NLRP4: variants seen among roughly 807,000 people sequenced by gnomAD.
The protein encoded by NLRP4 is NLR family pyrin domain containing 4.
NLRP4 carries 44 observed loss-of-function variants against 84.7 expected under a neutral mutation model. The observed-to-expected ratio is 0.52, with a 90% CI of 0.41 to 0.67. NLRP4 has a LOEUF of 0.67. Among genes scored for constraint, NLRP4 ranks in the 30% least tolerant of loss-of-function variants. NLRP4 has a pLI of 0.00. For synonymous variants in NLRP4, 544 were observed against 476.4 expected (o/e 1.14, Z -1.85); for missense variants, 1,260 against 1,219.4 (o/e 1.03, Z -0.50).
At chr19:55,878,453 C>G (rs1009556521) in intron 8 of NLRP4, among the ~76,000 whole-genome samples, 3 of 152,246 alleles carry the variant, frequency 2.0e-5, no homozygotes, top group African/African-American at 4.8e-5. Flanking sequence ...GCTCAGAACT[C>G]TCCTAATCTT....
intron 5 of NLRP4, among the ~76,000 whole-genome samples, chr19:55,863,921 A>G (rs565780217): frequency 1.3e-5 from 2 of 152,210 alleles, no homozygotes; most frequent in African/African-American, 4.8e-5. Context: ...ACACATTCAA[A>G]TACTTCTCTA....
intron 1 of NLRP4, among the ~76,000 whole-genome samples, chr19:55,840,154 T>C (rs1018108185): frequency 6.6e-6 from 1 of 152,232 alleles, no homozygotes; most frequent in African/African-American, 2.4e-5. Context: ...ATTTATTGAA[T>C]GAAAAGGTCT....
intron 5 of NLRP4, among the ~76,000 whole-genome samples, chr19:55,865,137 C>T (rs1398826536): frequency 6.9e-6 from 1 of 144,176 alleles, no homozygotes; most frequent in Non-Finnish European, 1.5e-5. Flanking sequence ...CACCTTCTTC[C>T]CACCCTCTGC....
At chr19:55,872,138 G>A (rs971734224) in intron 7 of NLRP4, among the ~76,000 whole-genome samples, 3 of 151,990 alleles carry the variant, frequency 2.0e-5, no homozygotes, top group Admixed American at 1.3e-4. Context: ...ATGAGCCACC[G>A]TGCCCAGCCC....
chr19:55,849,212 T>C (rs545859455), intron 1 of NLRP4, among the ~76,000 whole-genome samples: 4 of 152,196 alleles, frequency 2.6e-5, no homozygotes, highest in Non-Finnish European at 5.9e-5. Context: ...GTTTTAGCTA[T>C]TGGAGGCTCT....
chr19:55,839,479 TAAAA>T (rs56042909), intron 1 of NLRP4, among the ~76,000 whole-genome samples: 145 of 135,574 alleles, frequency 1.1e-3, no homozygotes, highest in African/African-American at 3.1e-3. Flanking sequence ...GGGGAAGAGT[TAAAA>T]AAAAAAAAAA....
rs551680150 is a variant in NLRP4 at position 55,856,505 on chromosome 19, C to T, written c.281-1169C>T. Among the ~76,000 whole-genome samples, 13 of 144,570 alleles carry T rather than the reference C, an allele frequency of 9.0e-5. No homozygotes were observed. In the South Asian group the frequency reaches 2.7e-3, roughly 30 times the overall value. 94.8% of individuals were successfully genotyped at this position (144,570 alleles called of 152,430 possible). On this transcript the variant is annotated intron_variant, in intron 2 of 9. Coordinates refer to ENST00000301295, the MANE Select transcript of NLRP4 (RefSeq NM_134444.5). ...GCGTAGGGCTTGGTCATCACTGTTG[C>T]TGGATCTTTTTTTTTTTTTTTTTTT...
chr19:55,861,252 C>G, intron 3 of NLRP4, 134 bp from the exon 4 acceptor site: 1 of 704,336 alleles, frequency 1.4e-6, no homozygotes, highest in Non-Finnish European at 2.4e-6. Context: ...CCTGAAGGGT[C>G]CCGTTCCTTC....
intron 1 of NLRP4, among the ~76,000 whole-genome samples, chr19:55,849,432 C>T (rs1983929931): frequency 6.6e-6 from 1 of 152,156 alleles, no homozygotes; most frequent in African/African-American, 2.4e-5. Context: ...GGATGGCTTA[C>T]CAACAGAAAT....
rs376627745 is a variant in NLRP4, at chr19:55,871,846, CT to C, written c.2525+865del. 8.8e-3 allele frequency among the ~76,000 whole-genome samples: 1,243 copies of C among 142,046 alleles called. 11 individuals are homozygous for C. Among genetic ancestry groups the C allele is most frequent in the African/African-American group, 0.022 (844 of 38,944 alleles). 93.2% of individuals were successfully genotyped at this position (142,046 alleles called of 152,430 possible). On this transcript the variant is annotated intron_variant, in intron 7 of 9. Coordinates refer to ENST00000301295, the MANE Select transcript of NLRP4 (RefSeq NM_134444.5). ...CATCTAGAAGCTAAACAGAAATAAT[CT>C]TTTTTTTTTTTTTTTGGAGACAGAA...
At chr19:55,851,767 A>T (rs907685319) in intron 1 of NLRP4, among the ~76,000 whole-genome samples, 1 of 151,524 alleles carries the variant, frequency 6.6e-6, no homozygotes, top group Non-Finnish European at 1.5e-5. Context: ...TGTAAAGTCT[A>T]TATTTGCCTG....
chr19:55,849,700 T>C (rs1023195455), intron 1 of NLRP4, among the ~76,000 whole-genome samples: 6 of 152,252 alleles, frequency 3.9e-5, no homozygotes, highest in African/African-American at 1.4e-4. Flanking sequence ...TCTCTATTGT[T>C]TACTGAGAAA....
At chr19:55,871,960 G>A (rs1389318301) in intron 7 of NLRP4, among the ~76,000 whole-genome samples, 5 of 150,738 alleles carry the variant, frequency 3.3e-5, no homozygotes, top group East Asian at 2.0e-4. Flanking sequence ...CGCCATTCTC[G>A]TCTCAGCCTC....
chr19:55,867,756 G>A lies in NLRP4; in HGVS notation c.2234G>A (p.Gly745Asp), dbSNP rs1194004420. 1.2e-6 allele frequency: 2 copies of A among 1,614,110 alleles called. No homozygotes were observed. Among genetic ancestry groups the A allele is most frequent in the Admixed American group, 1.7e-5 (1 of 60,020 alleles). The change falls in exon 6 of 10, where the codon GGC becomes GAC. Residue 745 changes from glycine (G) to aspartate (D), a missense_variant. Coordinates refer to ENST00000301295, the MANE Select transcript of NLRP4 (RefSeq NM_134444.5). ...LSPIDCEVLA[G>D]LLTNNKKLTY... is the part of the protein sequence containing the mutation. ...CCCATTGATTGTGAAGTCCTTGCTG[G>A]CCTTCTAACCAACAACAAGAAGCTG...
intron 7 of NLRP4, among the ~76,000 whole-genome samples, chr19:55,874,201 A>G (rs1568674117): frequency 6.6e-6 from 1 of 152,342 alleles, no homozygotes; most frequent in South Asian, 2.1e-4. Flanking sequence ...AAGTAATTTT[A>G]TAAGTAAATA....
chr19:55,871,058 G>A, intron 7 of NLRP4, 61 bp downstream of exon 7: 1 of 1,429,452 alleles, frequency 7.0e-7, no homozygotes, highest in South Asian at 1.2e-5. Context: ...GCACTGCTGA[G>A]AATGGGGCAT....
Position 55,857,893 on chromosome 19 carries a change from A to T in NLRP4, c.500A>T (p.Lys167Met). Residue 167 changes from lysine (K) to methionine (M), a missense_variant, in exon 3 of 10, where the codon AAG becomes ATG. Physicochemically the swap from Lys to Met is moderately conservative, Grantham distance 95. Around this residue, in one of 3 missense-constraint regions of NLRP4, gnomAD observed 712 missense variants for 669.2 expected, o/e 1.06. Coordinates refer to ENST00000301295, the MANE Select transcript of NLRP4 (RefSeq NM_134444.5). ...QGIGKTTLLM[K>M]LMMAWSDNKI... ...ATTGGAAAAACGACACTCCTGATGA[A>T]GCTGATGATGGCCTGGTCGGACAAC... 1 of 1,614,164 alleles carries T rather than the reference A, an allele frequency of 6.2e-7. No homozygotes were observed. The highest frequency in any genetic ancestry group is 8.5e-7 in the Non-Finnish European group (1 of 1,180,002).
At chr19:55,837,946 G>A (rs531646575) in intron 1 of NLRP4, among the ~76,000 whole-genome samples, 3 of 151,598 alleles carry the variant, frequency 2.0e-5, no homozygotes, top group African/African-American at 7.3e-5. Flanking sequence ...TGAGGCAGGA[G>A]AATTGCCTGA....
At chr19:55,867,555 G>C (rs1211596235) in intron 5 of NLRP4, among the ~76,000 whole-genome samples, 154 bp from the exon 6 acceptor site, 3 of 152,206 alleles carry the variant, frequency 2.0e-5, no homozygotes, top group African/African-American at 7.2e-5. Context: ...CTGTACCCCA[G>C]AGACTGGGTT....
Sources: allele counts gnomAD v4.1 joint callset (sites outside exome capture counted in the v4.1 genomes callset), GRCh38; gene constraint gnomAD v4.1.1; regional missense constraint gnomAD v4.1.1; transcripts MANE v1.5; gene names NCBI Gene and HGNC (gene_info 2026-07-23, HGNC 2026-07-21).